HAVCR2: variants seen among roughly 807,000 people sequenced by gnomAD.
HAVCR2 encodes hepatitis A virus cellular receptor 2.
A neutral mutation model predicts 24.7 loss-of-function variants in HAVCR2; 13 were observed. That is an observed-to-expected ratio of 0.53 (90% CI 0.34 to 0.84). HAVCR2 has a LOEUF of 0.84. Among genes scored for constraint, HAVCR2 ranks in the 40% least tolerant of loss-of-function variants. The pLI is 0.01. For synonymous variants in HAVCR2, 154 were observed against 143.4 expected, an observed-to-expected ratio of 1.07 and a Z score of -0.53; for missense variants, 343 against 371.2, an observed-to-expected ratio of 0.92 and a Z score of 0.62.
chr5:157,097,750 C>T (rs1757111959), intron 4 of HAVCR2, among the ~76,000 whole-genome samples: 1 of 151,998 alleles, frequency 6.6e-6, no homozygotes, highest in Admixed American at 6.6e-5. Flanking sequence ...CACAGGCACA[C>T]ACCACCATAC....
intron 3 of HAVCR2, among the ~76,000 whole-genome samples, chr5:157,099,366 C>A (rs1757139373): frequency 6.7e-6 from 1 of 149,774 alleles, no homozygotes; most frequent in Non-Finnish European, 1.5e-5. Flanking sequence ...AAGCAATTCT[C>A]ATCCCTCATC....
intron 5 of HAVCR2, among the ~76,000 whole-genome samples, chr5:157,089,190 T>C (rs928987585): frequency 3.3e-5 from 5 of 152,202 alleles, no homozygotes; most frequent in African/African-American, 1.2e-4. Flanking sequence ...TTAACAAATA[T>C]TATGAGACCT....
Position 157,106,866 on chromosome 5 carries a change from C to A in HAVCR2, c.155G>T (p.Cys52Phe), listed in dbSNP as rs1561624547. Residue 52 changes from cysteine to phenylalanine, a missense_variant, in exon 2 of 7, where the codon TGC (cysteine) becomes TTC (phenylalanine). By Grantham distance (205) the Cys-to-Phe change is radical (BLOSUM62 -2). Transcript: ENST00000307851. ...CACAGGACAGGCTCCTTTGCCCCAGCAGACGGGCACGAGGTTCCCTGGGGC... is the reference window on the plus strand; with the variant it reads ...CACAGGACAGGCTCCTTTGCCCCAGAAGACGGGCACGAGGTTCCCTGGGGC... ...PAAPGNLVPV[C>F]WGKGACPVFE... The A allele has an allele frequency of 6.2e-7, 1 of 1,614,222 alleles. No homozygotes were observed.
intron 5 of HAVCR2, 89 bp downstream of exon 5, chr5:157,095,216 AT>A (rs1757077248): frequency 7.2e-7 from 1 of 1,380,214 alleles, no homozygotes; most frequent in African/African-American, 1.4e-5. Context: ...ATCTTTGGGT[AT>A]AAACATGAAT....
intron 4 of HAVCR2, among the ~76,000 whole-genome samples, chr5:157,098,250 T>TA (rs1180336697): frequency 1.3e-5 from 2 of 150,986 alleles, no homozygotes; most frequent in Non-Finnish European, 3.0e-5. Flanking sequence ...CTACTAAAAA[T>TA]AAAAAAATTA....
At chr5:157,097,584 G>A (rs908099524) in intron 4 of HAVCR2, among the ~76,000 whole-genome samples, 1 of 151,358 alleles carries the variant, frequency 6.6e-6, no homozygotes, top group Admixed American at 6.6e-5. Flanking sequence ...TTAAGTCATT[G>A]CTGCAAGCTT....
intron 6 of HAVCR2, among the ~76,000 whole-genome samples, chr5:157,087,913 A>AG (rs1463165658): frequency 1.3e-5 from 2 of 152,014 alleles, no homozygotes; most frequent in African/African-American, 4.8e-5. Context: ...AAAAAAAAAA[A>AG]AAAAAAATTA....
rs745759874 is a variant in HAVCR2 at position 157,087,270 on chromosome 5, A to G, written c.738T>C (p.Pro246=). ...NLSLISLANL[P]PSGLANAVAE... is the part of the protein sequence containing the mutation. ...CTACTGCATTTGCCAATCCTGAGGG[A>G]GGGAGGTTGGCCAAAGAGATGAGGC... The change falls in exon 7 of 7, where the codon CCT becomes CCC. Residue 246 remains proline, a synonymous_variant. Transcript: ENST00000307851. The G allele has an allele frequency of 1.2e-6, 2 of 1,610,704 alleles. No homozygotes were observed. The highest frequency in any genetic ancestry group is 3.4e-5 in the Admixed American group (2 of 58,832).
At chr5:157,094,776 A>G (rs1175765852) in intron 5 of HAVCR2, among the ~76,000 whole-genome samples, 1 of 152,152 alleles carries the variant, frequency 6.6e-6, no homozygotes, top group East Asian at 1.9e-4. Flanking sequence ...GATGGAGGAA[A>G]ACATTCTCTA....
chr5:157,090,014 A>T (rs1756973120), intron 5 of HAVCR2, among the ~76,000 whole-genome samples: 2 of 151,988 alleles, frequency 1.3e-5, no homozygotes, highest in African/African-American at 2.4e-5. Flanking sequence ...GTGGGTCAGG[A>T]ATCCAGGTGT....
Position 157,103,811 on chromosome 5 carries a change from T to C in HAVCR2, c.478+855A>G, listed in dbSNP as rs565985342. Among the ~76,000 whole-genome samples the C allele has an allele frequency of 5.3e-5, 8 of 152,342 alleles. No homozygotes were observed. The East Asian group carries it at 1.5e-3, about 29-fold the overall frequency. On this transcript the variant is annotated intron_variant, in intron 3 of 6. Coordinates refer to ENST00000307851, the MANE Select transcript of HAVCR2 (RefSeq NM_032782.5). ...CAACTTGACTGAGGTCACAGAGCTA[T>C]CAAGAACAGCTGAAATTAGAACCCA...
intron 5 of HAVCR2, among the ~76,000 whole-genome samples, chr5:157,092,327 T>A (rs998443374): frequency 6.6e-6 from 1 of 152,102 alleles, no homozygotes; most frequent in African/African-American, 2.4e-5. Flanking sequence ...CTAAGTGCAA[T>A]GACTCATGCC....
At position 157,099,794 on chromosome 5, in the gene HAVCR2, C is replaced by T. The variant is rs1232029484; in HGVS notation, c.479-893G>A. On this transcript the variant is annotated intron_variant, in intron 3 of 6. Coordinates refer to ENST00000307851, the MANE Select transcript of HAVCR2 (RefSeq NM_032782.5). The stretch of plus-strand genomic sequence containing the variant: ...CACTGCAACCTCCATCTCCTGAGTT[C>T]AAGCGATTCTCCTGCCTCAGCCTCC... Among the ~76,000 whole-genome samples the T allele has an allele frequency of 2.0e-5, 3 of 152,154 alleles. No homozygotes were observed. The East Asian group carries it at 5.8e-4, about 29-fold the overall frequency.
At chr5:157,088,214 A>G (rs79417502) in intron 6 of HAVCR2, among the ~76,000 whole-genome samples, 6,136 of 152,306 alleles carry the variant, frequency 0.04, 308 homozygotes, top group African/African-American at 0.12. Context: ...CTAGCCCAGA[A>G]TCATTTTTGT....
At chr5:157,089,175 C>T (rs918891134) in intron 5 of HAVCR2, among the ~76,000 whole-genome samples, 198 bp from the exon 6 acceptor site, 1 of 152,122 alleles carries the variant, frequency 6.6e-6, no homozygotes, top group Non-Finnish European at 1.5e-5. Context: ...ATGCATTTTT[C>T]TTATTTAACA....
Position 157,104,744 on chromosome 5 carries a change from C to A in HAVCR2, c.400G>T (p.Val134Phe). Reference protein sequence around the residue: ...NLKLVIKPAKVTPAPTRQRDF... With the variant: ...NLKLVIKPAKFTPAPTRQRDF... ...CTCTGCCGAGTCGGTGCAGGGGTGA[C>A]CTTGGCTAATGTCAGAAACAACATA... The change falls in exon 3 of 7, where the codon GTC becomes TTC. Residue 134 changes from valine (V) to phenylalanine (F), a missense_variant. By Grantham distance (50) the Val-to-Phe change is conservative (BLOSUM62 -1). Transcript: ENST00000307851. 6.3e-7 allele frequency: 1 copy of A among 1,593,258 alleles called. No individual in the cohort carries two copies. The highest frequency in any genetic ancestry group is 8.6e-7 in the Non-Finnish European group (1 of 1,167,944).
chr5:157,092,499 T>G (rs1461803548), intron 5 of HAVCR2, among the ~76,000 whole-genome samples: 1 of 151,892 alleles, frequency 6.6e-6, no homozygotes, highest in African/African-American at 2.4e-5. Flanking sequence ...CAGGCTGGAG[T>G]GCAATGGCAC....
intron 2 of HAVCR2, 169 bp downstream of exon 2, chr5:157,106,458 G>A: frequency 3.2e-6 from 2 of 616,438 alleles, no homozygotes; most frequent in Non-Finnish European, 5.7e-6. Flanking sequence ...ACAGAGAGAA[G>A]GTGTTAAATA....
Position 157,106,959 on chromosome 5 carries a change from G to T in HAVCR2, c.62C>A (p.Ser21Tyr). Residue 21 changes from serine (S) to tyrosine (Y), a missense_variant, in exon 2 of 7, where the codon TCC becomes TAC. Physicochemically the swap from Ser to Tyr is moderately radical, Grantham distance 144 (BLOSUM62 -2). Coordinates refer to ENST00000307851, the MANE Select transcript of HAVCR2 (RefSeq NM_032782.5). ...CTCCGCTCTGTATTCCACTTCTGAGGACCCTGCATAGAGAGAGAAGGAGAG... is the reference window on the plus strand; with the variant it reads ...CTCCGCTCTGTATTCCACTTCTGAGTACCCTGCATAGAGAGAGAAGGAGAG... ...LLLLLLLLTRSSEVEYRAEVG... is the reference protein window; with the variant it reads ...LLLLLLLLTRYSEVEYRAEVG... The T allele has an allele frequency of 6.2e-7, 1 of 1,610,284 alleles. No individual in the cohort carries two copies. The highest frequency in any genetic ancestry group is 8.5e-7 in the Non-Finnish European group (1 of 1,177,676).
Sources: gnomAD v4.1 joint callset for allele counts (sites outside exome capture counted in the v4.1 genomes callset) on GRCh38, gnomAD v4.1.1 for gene constraint, MANE v1.5 for transcripts, NCBI Gene and HGNC (gene_info 2026-07-23, HGNC 2026-07-21) for gene names.